SORBS2: variants seen among roughly 807,000 people sequenced by gnomAD.
The protein encoded by SORBS2 is sorbin and SH3 domain-containing protein 2.
A neutral mutation model predicts 97.7 loss-of-function variants in SORBS2; 46 were observed. The observed-to-expected ratio is 0.47, with a 90% CI of 0.37 to 0.60. The LOEUF (loss-of-function observed/expected upper bound fraction) is 0.60, where lower values mean the gene tolerates loss of function less well. Among genes scored for constraint, SORBS2 ranks in the 20% least tolerant of loss-of-function variants. The probability of loss-of-function intolerance (pLI) is 0.00; values close to 1 mark genes in which losing one functional copy is unlikely to be tolerated. For synonymous variants in SORBS2, 476 were observed against 473.4 expected (o/e 1.01, Z -0.07); for missense variants, 1,316 against 1,282.3 (o/e 1.03, Z -0.40).
At chr4:185,761,579 G>C (rs1186467322) in intron 2 of SORBS2, 1 of 152,226 alleles carries the variant, frequency 6.6e-6, no homozygotes, top group Admixed American at 6.5e-5. Flanking sequence ...CTCAACAAAT[G>C]ATTGTTGTGC....
At chr4:185,643,781 A>G (rs996860704) in intron 4 of SORBS2, among the ~76,000 whole-genome samples, 1 of 152,218 alleles carries the variant, frequency 6.6e-6, no homozygotes, top group African/African-American at 2.4e-5. Context: ...AAAATTGAAA[A>G]TGAAAAGAGC....
At chr4:185,822,454 T>G (rs1219366596) in intron 1 of SORBS2, among the ~76,000 whole-genome samples, 1 of 152,250 alleles carries the variant, frequency 6.6e-6, no homozygotes, top group Admixed American at 6.5e-5. Flanking sequence ...TTTCAGTATT[T>G]TTTGTATTCG....
At chr4:185,858,961 A>G (rs2099222194) in intron 1 of SORBS2, among the ~76,000 whole-genome samples, 1 of 152,156 alleles carries the variant, frequency 6.6e-6, no homozygotes, top group Non-Finnish European at 1.5e-5. Flanking sequence ...TTCCTGTAAA[A>G]CCTTTGAAAT....
At chr4:185,804,576 T>C (rs2099145048) in intron 1 of SORBS2, among the ~76,000 whole-genome samples, 1 of 152,256 alleles carries the variant, frequency 6.6e-6, no homozygotes, top group South Asian at 2.1e-4. Context: ...GTAAACGTCC[T>C]TAAAAGTCCC....
At chr4:185,787,797 T>C (rs957698842) in intron 1 of SORBS2, among the ~76,000 whole-genome samples, 2 of 152,184 alleles carry the variant, frequency 1.3e-5, no homozygotes, top group Admixed American at 6.5e-5. Flanking sequence ...ATTTCTTAAA[T>C]AGGGCCTAGT....
intron 4 of SORBS2, among the ~76,000 whole-genome samples, chr4:185,644,236 G>A (rs1241454493): frequency 6.6e-6 from 1 of 152,008 alleles, no homozygotes; most frequent in Non-Finnish European, 1.5e-5. Context: ...AAGTTTCTAA[G>A]TTCCTTCTAC....
In SORBS2 at chr4:185,789,463, CATATTT is replaced by C. The variant is rs1331511871; in HGVS notation, c.-337-14103_-337-14098del. Reference sequence around the variant, plus strand: ...GCAAAGTATAATTTATGAAATAAATCATATTTATAAGTATAATTAATATATAATTGT... The same window carrying C: ...GCAAAGTATAATTTATGAAATAAATCATAAGTATAATTAATATATAATTGT... On this transcript the variant is annotated intron_variant, in intron 1 of 20. Coordinates refer to the SORBS2 transcript ENST00000284776. 4.6e-5 allele frequency among the ~76,000 whole-genome samples: 7 copies of C among 150,866 alleles called. No individual in the cohort carries two copies. The South Asian group carries it at 1.3e-3, about 27-fold the overall frequency.
chr4:185,939,541 A>G (rs914093133), intron 1 of SORBS2, among the ~76,000 whole-genome samples: 3 of 150,902 alleles, frequency 2.0e-5, no homozygotes, highest in African/African-American at 7.3e-5. Flanking sequence ...ATGGAGTTGC[A>G]CTCTTGTTGC....
intron 2 of SORBS2, among the ~76,000 whole-genome samples, chr4:185,748,240 TG>T (rs1457513228): frequency 1.3e-5 from 2 of 152,158 alleles, no homozygotes; most frequent in Non-Finnish European, 2.9e-5. Context: ...TGGGCTTTCA[TG>T]AAGTAAGTTG....
chr4:185,943,853 G>T (rs2099273267), intron 1 of SORBS2, among the ~76,000 whole-genome samples: 1 of 152,184 alleles, frequency 6.6e-6, no homozygotes, highest in Non-Finnish European at 1.5e-5. Flanking sequence ...AGTACGTCAT[G>T]ATGCCTACAA....
At chr4:185,892,446 T>G (rs950972198) in intron 1 of SORBS2, among the ~76,000 whole-genome samples, 3 of 152,252 alleles carry the variant, frequency 2.0e-5, no homozygotes, top group East Asian at 1.9e-4. Context: ...TCGATTCTAC[T>G]GATAAGGACT....
chr4:185,909,987 A>G (rs2099254020), intron 1 of SORBS2, among the ~76,000 whole-genome samples: 3 of 14,120 alleles, frequency 2.1e-4, no homozygotes, highest in Non-Finnish European at 3.9e-4. Flanking sequence ...CCATCTCAGA[A>G]AAAAAAAAAA....
intron 2 of SORBS2, chr4:185,771,078 T>C (rs1003453565): frequency 6.8e-6 from 1 of 147,342 alleles, no homozygotes; most frequent in Non-Finnish European, 1.5e-5. Flanking sequence ...CCTCCCAGGT[T>C]CAAGCTATTC....
chr4:185,657,046 G>T, upstream of SORBS2: 1 of 538,296 alleles, frequency 1.9e-6, no homozygotes, highest in Non-Finnish European at 2.5e-6. Context: ...CGCAATGCAT[G>T]TGGGAATTCA....
At chr4:185,679,899 T>C (rs1462662073) in intron 2 of SORBS2, among the ~76,000 whole-genome samples, 1 of 152,238 alleles carries the variant, frequency 6.6e-6, no homozygotes, top group African/African-American at 2.4e-5. Flanking sequence ...ATCTGATTTT[T>C]AGATAAAATA....
At chr4:185,595,458 A>G (rs936707596) in intron 12 of SORBS2, among the ~76,000 whole-genome samples, 6 of 152,188 alleles carry the variant, frequency 3.9e-5, no homozygotes, top group African/African-American at 1.4e-4. Flanking sequence ...ATATTATTAA[A>G]TCAATTTAAA....
chr4:185,744,148 C>T (rs1034029376), intron 2 of SORBS2, among the ~76,000 whole-genome samples: 2 of 150,090 alleles, frequency 1.3e-5, no homozygotes, highest in Admixed American at 1.4e-4. Flanking sequence ...TCCTTCCCTT[C>T]TCTCTTTTTT....
At chr4:185,613,378 A>C (rs550177068) in intron 11 of SORBS2, among the ~76,000 whole-genome samples, 12 of 152,312 alleles carry the variant, frequency 7.9e-5, no homozygotes, top group African/African-American at 2.2e-4. Flanking sequence ...GGCTGGATGC[A>C]ATCGCTCACG....
rs576602353 is a variant in SORBS2, at chr4:185,830,983, C to T, written c.-337-55617G>A. 2.0e-5 allele frequency among the ~76,000 whole-genome samples: 3 copies of T among 152,210 alleles called. No homozygotes were observed. The East Asian group carries it at 5.8e-4, about 29-fold the overall frequency. On this transcript the variant is annotated intron_variant, in intron 1 of 20. Transcript: ENST00000284776. ...CTTGGTTCTTTTTTATTTTTTTAGACCTGCTCTTTATAACTCTTCCTTATT... is the reference window on the plus strand; with the variant it reads ...CTTGGTTCTTTTTTATTTTTTTAGATCTGCTCTTTATAACTCTTCCTTATT...
Sources: gnomAD v4.1 joint callset for allele counts (sites outside exome capture counted in the v4.1 genomes callset) on GRCh38, gnomAD v4.1.1 for gene constraint, MANE v1.5 for transcripts, NCBI Gene and HGNC (gene_info 2026-07-23, HGNC 2026-07-21) for gene names.